The following ADGRG6 variants were observed in gnomAD, a reference collection of about 807,000 sequenced individuals.
ADGRG6 encodes G-protein coupled receptor 126.
Under a neutral mutation model 142.4 loss-of-function variants are expected in ADGRG6, and 84 were observed. The observed-to-expected ratio is 0.59, with a 90% CI of 0.49 to 0.71. ADGRG6 has a LOEUF of 0.71. Among genes scored for constraint, ADGRG6 ranks in the 30% least tolerant of loss-of-function variants. The probability of loss-of-function intolerance (pLI) is 0.00; values close to 1 mark genes in which losing one functional copy is unlikely to be tolerated. For missense variants in ADGRG6, 1,367 were observed against 1,466.6 expected (o/e 0.93, Z 1.11); for synonymous variants, 521 against 520.5 (o/e 1.00, Z -0.01).
chr6:142,431,284 G>A (rs564307294), intron 22 of ADGRG6, among the ~76,000 whole-genome samples: 2 of 152,148 alleles, frequency 1.3e-5, no homozygotes, highest in South Asian at 4.1e-4. Flanking sequence ...CAGTTATCAA[G>A]CTGAAGAAAC....
chr6:142,406,517 A>G (rs1775816068), intron 15 of ADGRG6, among the ~76,000 whole-genome samples: 1 of 152,216 alleles, frequency 6.6e-6, no homozygotes, highest in African/African-American at 2.4e-5. Context: ...AATGTGACTT[A>G]TATAAAATAG....
At chr6:142,347,218 C>A (rs1779947871) in intron 2 of ADGRG6, among the ~76,000 whole-genome samples, 1 of 152,092 alleles carries the variant, frequency 6.6e-6, no homozygotes, top group South Asian at 2.1e-4. Context: ...ATATGTTGAA[C>A]AAGTGAAAGT....
chr6:142,309,294 A>G (rs141043903), intron 1 of ADGRG6, among the ~76,000 whole-genome samples: 30 of 151,882 alleles, frequency 2.0e-4, no homozygotes, highest in African/African-American at 5.5e-4. Flanking sequence ...GAAATCACCT[A>G]TTATATATAT....
intron 2 of ADGRG6, among the ~76,000 whole-genome samples, chr6:142,339,756 C>T (rs1404477606): frequency 1.3e-5 from 2 of 152,214 alleles, no homozygotes; most frequent in Non-Finnish European, 2.9e-5. Context: ...TCTGAAATGA[C>T]CTTCTTAGCC....
chr6:142,443,809 A>G lies in ADGRG6; in HGVS notation c.*294A>G, dbSNP rs1182156617. ...AGAGTAATCATAATGCAGGGGAGAC[A>G]TTCAAATTAGAGACAAGGGAGAAGC... On this transcript the variant is annotated 3_prime_UTR_variant, in exon 25 of 25. Transcript: ENST00000367609. The G allele has an allele frequency of 4.7e-6, 1 of 210,534 alleles. No individual in the cohort carries two copies. The highest frequency in any genetic ancestry group is 9.4e-6 in the Non-Finnish European group (1 of 106,872). The allele number at this position is 210,534 out of a possible 1,614,324, so 13.0% of individuals were successfully genotyped here. A position where few individuals can be genotyped will look rare whatever the true frequency, so the allele number is the denominator to read the frequency against.
chr6:142,352,181 A>G (rs183541908), intron 2 of ADGRG6, among the ~76,000 whole-genome samples: 41 of 152,326 alleles, frequency 2.7e-4, no homozygotes, highest in Admixed American at 5.9e-4. Flanking sequence ...TCATTGCAGC[A>G]CTATTCACAA....
intron 2 of ADGRG6, among the ~76,000 whole-genome samples, chr6:142,355,999 T>C (rs1780422743): frequency 6.6e-6 from 1 of 152,184 alleles, no homozygotes; most frequent in Non-Finnish European, 1.5e-5. Flanking sequence ...GGAAGTTGAG[T>C]GAGCTGTCTC....
At chr6:142,328,071 G>C (rs1227115423) in intron 2 of ADGRG6, among the ~76,000 whole-genome samples, 1 of 152,080 alleles carries the variant, frequency 6.6e-6, no homozygotes, top group East Asian at 1.9e-4. Flanking sequence ...AAACAAAACA[G>C]AACGCAGTTC....
At chr6:142,370,840 C>G in intron 4 of ADGRG6, 47 bp downstream of exon 4, 3 of 1,526,974 alleles carry the variant, frequency 2.0e-6, no homozygotes, top group Non-Finnish European at 2.7e-6. Context: ...TAGCATTATT[C>G]TATGAATATG....
At chr6:142,416,661 G>C (rs977518191) in intron 20 of ADGRG6, among the ~76,000 whole-genome samples, 1 of 152,108 alleles carries the variant, frequency 6.6e-6, no homozygotes, top group Non-Finnish European at 1.5e-5. Context: ...ATCTGTTTCA[G>C]ATGGAAATAT....
chr6:142,338,863 C>T (rs963186111), intron 2 of ADGRG6, among the ~76,000 whole-genome samples: 1 of 152,166 alleles, frequency 6.6e-6, no homozygotes, highest in Non-Finnish European at 1.5e-5. Context: ...GCCCCACAAA[C>T]ATACTTGGAA....
chr6:142,434,326 A>T (rs929697529), intron 22 of ADGRG6, among the ~76,000 whole-genome samples: 10 of 150,368 alleles, frequency 6.7e-5, no homozygotes, highest in Admixed American at 6.6e-4. Flanking sequence ...ATTTCCCAGA[A>T]TTTTTTTTTC....
intron 2 of ADGRG6, among the ~76,000 whole-genome samples, chr6:142,357,301 A>G (rs564172451): frequency 2.0e-5 from 3 of 152,214 alleles, no homozygotes; most frequent in Non-Finnish European, 4.4e-5. Context: ...ATCTATATGA[A>G]AAGCTAACAT....
At chr6:142,339,981 A>G (rs1779534439) in intron 2 of ADGRG6, among the ~76,000 whole-genome samples, 1 of 152,150 alleles carries the variant, frequency 6.6e-6, no homozygotes, top group Non-Finnish European at 1.5e-5. Flanking sequence ...ATAAACTGGC[A>G]AAAAAGCTTT....
At chr6:142,332,426 G>C (rs922695553) in intron 2 of ADGRG6, among the ~76,000 whole-genome samples, 1 of 151,116 alleles carries the variant, frequency 6.6e-6, no homozygotes, top group African/African-American at 2.4e-5. Flanking sequence ...TAAATTTCTG[G>C]CTTGAGACCT....
At chr6:142,431,481 A>G (rs1383334735) in intron 22 of ADGRG6, among the ~76,000 whole-genome samples, 2 of 152,124 alleles carry the variant, frequency 1.3e-5, no homozygotes, top group African/African-American at 2.4e-5. Context: ...TTTTATTTCT[A>G]CCTTTTATGG....
intron 11 of ADGRG6, 72 bp downstream of exon 11, chr6:142,400,668 G>A (rs901897991): frequency 1.7e-5 from 13 of 772,688 alleles, no homozygotes; most frequent in East Asian, 1.0e-4. Context: ...CGTGCAGCAC[G>A]GTAGTTCTTA....
chr6:142,335,685 A>G (rs992570019), intron 2 of ADGRG6, among the ~76,000 whole-genome samples: 3 of 152,176 alleles, frequency 2.0e-5, no homozygotes, highest in East Asian at 1.9e-4. Flanking sequence ...TGAAATTCCA[A>G]TAGGAAAACC....
chr6:142,390,838 C>T lies in ADGRG6; in HGVS notation c.1308+495C>T, dbSNP rs551475972. On this transcript the variant is annotated intron_variant, in intron 7 of 24. Coordinates refer to ENST00000367609, the MANE Select transcript of ADGRG6 (RefSeq NM_198569.3). ...GCTTTTTTCCAGATTTCTTTGTGCA[C>T]ATGAAAGAAAATTAAACTATAGATT... is the stretch of plus-strand genomic sequence containing the variant. 1.8e-3 allele frequency among the ~76,000 whole-genome samples: 268 copies of T among 151,814 alleles called. 1 individual carries two copies. The highest frequency in any genetic ancestry group is 6.8e-3 in the Middle Eastern group (2 of 294).
Sources: gnomAD v4.1 joint callset for allele counts (sites outside exome capture counted in the v4.1 genomes callset) on GRCh38, gnomAD v4.1.1 for gene constraint, MANE v1.5 for transcripts, NCBI Gene and HGNC (gene_info 2026-07-23, HGNC 2026-07-21) for gene names.